The following STRC variants were observed in gnomAD, a reference collection of about 807,000 sequenced individuals.
The protein encoded by STRC is stereocilin.
In STRC, 43 loss-of-function variants were observed where a neutral mutation model predicts 103.5. That is an observed-to-expected ratio of 0.42 (90% CI 0.33 to 0.54). The LOEUF is 0.54. Among genes scored for constraint, STRC ranks in the 20% least tolerant of loss-of-function variants. The pLI, the probability that STRC is intolerant of heterozygous loss-of-function variation, is 0.14. For missense variants in STRC, 499 were observed against 1,088.5 expected (o/e 0.46, Z 7.62); for synonymous variants, 186 against 442.3 (o/e 0.42, Z 7.27).
rs2085697620 is a variant in STRC at position 43,604,471 on chromosome 15, C to CGG, written c.4128-22_4128-21dup. On this transcript the variant is annotated intron_variant, in intron 20 of 28. Coordinates refer to ENST00000450892, the MANE Select transcript of STRC (RefSeq NM_153700.2). Reference sequence around the variant, plus strand: ...GGTTTCCTGGGGACAGGAAGAAAATCGGGGGCTGGGGAGCTGAGGGAACTG... The same window carrying CGG: ...GGTTTCCTGGGGACAGGAAGAAAATCGGGGGGGCTGGGGAGCTGAGGGAACTG... 1 of 1,560,332 alleles carries CGG rather than the reference C, an allele frequency of 6.4e-7. No homozygotes were observed. Among genetic ancestry groups the CGG allele is most frequent in the Non-Finnish European group, 8.7e-7 (1 of 1,149,330 alleles).
chr15:43,611,049 G>C, intron 13 of STRC, 65 bp from the exon 14 acceptor site: 1 of 1,242,450 alleles, frequency 8.0e-7, no homozygotes, highest in Non-Finnish European at 1.1e-6. Flanking sequence ...TAAGTGGGGA[G>C]GTATGAAAGG....
chr15:43,601,650 T>C, intron 23 of STRC, 99 bp from the exon 24 acceptor site: 1 of 1,281,610 alleles, frequency 7.8e-7, no homozygotes, highest in Admixed American at 1.9e-5. Context: ...TGTATAACTC[T>C]AGGTAAATCA....
rs1440452349 is a variant in STRC at position 43,610,324 on chromosome 15, C to A, written c.3486G>T (p.Trp1162Cys). ...ANRRRYWELP[W>C]SEQQAQFLWK... ...TGGGGAGAATTACCTGCTGCTCAGA[C>A]CAGGGCAGCTCCCAGTAGCGTCTTC... Residue 1162 changes from tryptophan (W) to cysteine (C), a missense_variant, in exon 15 of 29, where the codon TGG (tryptophan) becomes TGT (cysteine). By Grantham distance (215) the Trp-to-Cys change is radical. Coordinates refer to ENST00000450892, the MANE Select transcript of STRC (RefSeq NM_153700.2). 2.8e-6 allele frequency: 2 copies of A among 716,990 alleles called. No homozygotes were observed. The highest frequency in any genetic ancestry group is 5.1e-5 in the African/African-American group (2 of 39,116). The allele number at this position is 716,990 out of a possible 1,614,324, so 44.4% of individuals were successfully genotyped here.
chr15:43,602,288 C>T (rs1388063580), intron 23 of STRC, among the ~76,000 whole-genome samples: 3 of 151,878 alleles, frequency 2.0e-5, no homozygotes, highest in South Asian at 4.2e-4. Context: ...TCATGGGATT[C>T]TCCTACCCCA....
At chr15:43,604,306 C>A in intron 21 of STRC, 55 bp downstream of exon 21, 9 of 1,585,622 alleles carry the variant, frequency 5.7e-6, no homozygotes, top group Non-Finnish European at 7.7e-6. Flanking sequence ...TCCCCATAAC[C>A]AGCTCACCAG....
In STRC at chr15:43,600,526, C is replaced by G. The variant is rs369759232; in HGVS notation, c.4993+8G>C. ...CCAACTTGCACCAGCAGTGGCCCAG[C>G]TCCCCACCTGCTATGGTGCCAATTT... On this transcript the variant is annotated splice_region_variant and intron_variant, in intron 26 of 28. Coordinates refer to ENST00000450892, the MANE Select transcript of STRC (RefSeq NM_153700.2). 7.4e-6 allele frequency: 12 copies of G among 1,612,520 alleles called. 1 individual carries two copies. The highest frequency in any genetic ancestry group is 1.0e-5 in the Non-Finnish European group (12 of 1,179,170).
intron 21 of STRC, 96 bp downstream of exon 21, chr15:43,604,265 C>T (rs1766400539): frequency 1.3e-6 from 2 of 1,594,748 alleles, no homozygotes; most frequent in Admixed American, 1.7e-5. Context: ...CAGATCTAGG[C>T]TTCATATCCT....
At chr15:43,601,374 T>G (rs763071784) in intron 24 of STRC, 22 bp downstream of exon 24, 1 of 1,612,262 alleles carries the variant, frequency 6.2e-7, no homozygotes. Flanking sequence ...TGGGAAGCCG[T>G]AGGGAGGAGG....
intron 22 of STRC, 124 bp from the exon 23 acceptor site, chr15:43,603,535 A>C: frequency 9.2e-7 from 1 of 1,085,050 alleles, no homozygotes; most frequent in South Asian, 1.3e-5. Flanking sequence ...TAGGGATCAA[A>C]GGAGTATTAC....
chr15:43,611,143 C>T lies in STRC; in HGVS notation c.3306+5G>A. ...ATTATCTCATCCTCCTTGCCACTCT[C>T]ATACCCGAAAGGTCTGCAGCAGTGC... On this transcript the variant is annotated splice_donor_5th_base_variant and intron_variant, in intron 13 of 28. Transcript: ENST00000450892. 7.0e-7 allele frequency: 1 copy of T among 1,427,318 alleles called. No individual in the cohort carries two copies. The highest frequency in any genetic ancestry group is 1.2e-5 in the South Asian group (1 of 83,884). The allele number at this position is 1,427,318 out of a possible 1,614,324, so 88.4% of individuals were successfully genotyped here.
At chr15:43,603,871 T>A in intron 22 of STRC, 125 bp downstream of exon 22, 1 of 1,511,640 alleles carries the variant, frequency 6.6e-7, no homozygotes, top group South Asian at 1.2e-5. Flanking sequence ...TTGAAGATCA[T>A]CCCTCTAAAC....
chr15:43,603,887 G>A lies in STRC; in HGVS notation c.4375+109C>T, dbSNP rs1199575187. On this transcript the variant is annotated intron_variant, in intron 22 of 28. Coordinates refer to ENST00000450892, the MANE Select transcript of STRC (RefSeq NM_153700.2). Reference sequence around the variant, plus strand: ...TGAAGATCATCCCTCTAAACTCTTTGCTTTATAAATTAGAAAACCCAGTCC... The same window carrying A: ...TGAAGATCATCCCTCTAAACTCTTTACTTTATAAATTAGAAAACCCAGTCC... 3.8e-6 allele frequency: 6 copies of A among 1,569,132 alleles called. No individual in the cohort carries two copies. The African/African-American group carries it at 8.1e-5, about 21-fold the overall frequency.
chr15:43,601,412 C>A lies in STRC; in HGVS notation c.4685G>T (p.Gly1562Val). The A allele has an allele frequency of 1.2e-6, 2 of 1,613,596 alleles. No individual in the cohort carries two copies. Among genetic ancestry groups the A allele is most frequent in the Non-Finnish European group, 1.7e-6 (2 of 1,179,862 alleles). The change falls in exon 24 of 29, where the codon GGC becomes GTC. Residue 1562 changes from glycine (G) to valine (V), a missense_variant. Transcript: ENST00000450892. ...GVLSTLGQID[G>V]WSTTQLRIVV... ...AAGTGTTACCTGAGTGGTGCTCCAGCCATCTATCTGCCCCAGGGTGCTCAG... is the reference window on the plus strand; with the variant it reads ...AAGTGTTACCTGAGTGGTGCTCCAGACATCTATCTGCCCCAGGGTGCTCAG...
In STRC at chr15:43,610,057, G is replaced by A. The variant is rs140608596; in HGVS notation, c.3498+255C>T. 0.036 allele frequency: 13,982 copies of A among 392,386 alleles called. 1,259 individuals are homozygous for A. The highest frequency in any genetic ancestry group is 0.049 in the Non-Finnish European group (10,205 of 210,232). The allele number at this position is 392,386 out of a possible 1,614,324, so 24.3% of individuals were successfully genotyped here. A position where few individuals can be genotyped will look rare whatever the true frequency, so the allele number is the denominator to read the frequency against. On this transcript the variant is annotated intron_variant, in intron 15 of 28. Transcript: ENST00000450892. Reference sequence around the variant, plus strand: ...AAAAAAAAATTTAAAAATTAGCCAGGCATGGTGGTAACCACCTGTCGTCCT... The same window carrying A: ...AAAAAAAAATTTAAAAATTAGCCAGACATGGTGGTAACCACCTGTCGTCCT...
At chr15:43,603,467 A>G in intron 22 of STRC, 56 bp from the exon 23 acceptor site, 1 of 1,554,294 alleles carries the variant, frequency 6.4e-7, no homozygotes, top group Non-Finnish European at 8.8e-7. Flanking sequence ...ATGCCCAGAG[A>G]GATATCTGTA....
In STRC at chr15:43,604,772, C is replaced by T. The variant is rs753036249; in HGVS notation, c.4005G>A (p.Glu1335=). 7.4e-6 allele frequency: 12 copies of T among 1,613,366 alleles called. No individual in the cohort carries two copies. The East Asian group carries it at 2.5e-4, about 33-fold the overall frequency. ...LGPLVGFLGT[E]STRQIPLQIL... ...TCTGTAGGGGGATCTGTCGTGTGCT[C>T]TCTGTCCCCAGGAATCCAACCAAAG... The change falls in exon 20 of 29, where the codon GAG becomes GAA. Residue 1335 remains glutamate (E), a synonymous_variant. Transcript: ENST00000450892.
intron 18 of STRC, among the ~76,000 whole-genome samples, chr15:43,607,202 G>A (rs1391368738): frequency 8.2e-6 from 1 of 121,856 alleles, no homozygotes; most frequent in East Asian, 2.8e-4. Context: ...TTCTCCATGG[G>A]TAGGGAGGAG....
chr15:43,604,232 G>A lies in STRC; in HGVS notation c.4219-80C>T. On this transcript the variant is annotated intron_variant, in intron 21 of 28. Transcript: ENST00000450892. ...GCTATAGCTCTAAGTCCAAAGTCCTGTCTCTGTTTTGCAGTCTCCCCCCAG... is the reference window on the plus strand; with the variant it reads ...GCTATAGCTCTAAGTCCAAAGTCCTATCTCTGTTTTGCAGTCTCCCCCCAG... 4 of 1,601,130 alleles carry A rather than the reference G, an allele frequency of 2.5e-6. No individual in the cohort carries two copies. In the East Asian group the frequency reaches 8.9e-5, roughly 36 times the overall value.
At position 43,601,322 on chromosome 15, in the gene STRC, G is replaced by T; in HGVS notation, c.4701+74C>A. ...GGGTCACAGGAAAAAAATTCCTTGG[G>T]CTTTAGATGATCTATAGGGCTGGGT... On this transcript the variant is annotated intron_variant, in intron 24 of 28. Coordinates refer to ENST00000450892, the MANE Select transcript of STRC (RefSeq NM_153700.2). The T allele has an allele frequency of 6.2e-6, 10 of 1,602,556 alleles. 1 individual carries two copies. In the South Asian group the frequency reaches 1.1e-4, roughly 18 times the overall value.
Sources: gnomAD v4.1 joint callset for allele counts (sites outside exome capture counted in the v4.1 genomes callset) on GRCh38, gnomAD v4.1.1 for gene constraint, MANE v1.5 for transcripts, NCBI Gene and HGNC (gene_info 2026-07-23, HGNC 2026-07-21) for gene names.